PTPRD: variants seen among roughly 807,000 people sequenced by gnomAD.
PTPRD encodes the protein receptor-type tyrosine-protein phosphatase delta.
PTPRD carries 34 observed loss-of-function variants against 214.5 expected under a neutral mutation model. The observed-to-expected ratio is 0.16, with a 90% confidence interval of 0.12 to 0.21. The LOEUF is 0.21. PTPRD is among the 10% of genes least tolerant of loss of function. The pLI, the probability that PTPRD is intolerant of heterozygous loss-of-function variation, is 1.00. For missense variants in PTPRD, 2,545 were observed against 2,398.7 expected, an observed-to-expected ratio of 1.06 and a Z score of -1.27; for synonymous variants, 1,128 against 845.7, an observed-to-expected ratio of 1.33 and a Z score of -5.79.
chr9:9,812,982 A>G (rs2047617228), intron 5 of PTPRD, among the ~76,000 whole-genome samples: 1 of 151,948 alleles, frequency 6.6e-6, no homozygotes, highest in Admixed American at 6.6e-5. Context: ...AGTGGTAAGA[A>G]ACTAGAAGTC....
rs150972502 is a variant in PTPRD at position 10,446,785 on chromosome 9, T to C, written c.-599-105768A>G. ...CAAATTGTTTCAATATTACGGGTAT[T>C]TAAAAGGAAACTGGATCCATGAAGA... On this transcript the variant is annotated intron_variant, in intron 2 of 45. Coordinates refer to ENST00000381196, the MANE Select transcript of PTPRD (RefSeq NM_002839.4). Among the ~76,000 whole-genome samples, 483 of 152,212 alleles carry C rather than the reference T, an allele frequency of 3.2e-3. 2 individuals carry two copies. The highest frequency in any genetic ancestry group is 0.011 in the African/African-American group (467 of 41,544).
chr9:9,629,425 T>C (rs915029789), intron 7 of PTPRD, among the ~76,000 whole-genome samples: 1 of 152,076 alleles, frequency 6.6e-6, no homozygotes, highest in East Asian at 1.9e-4. Context: ...TGTGTCTTCT[T>C]CCATAGGCCA....
At position 8,492,906 on chromosome 9, in the gene PTPRD, T is replaced by C; in HGVS notation, c.2423A>G (p.Asp808Gly). The C allele has an allele frequency of 1.2e-6, 2 of 1,613,838 alleles. No individual in the cohort carries two copies. Among genetic ancestry groups the C allele is most frequent in the South Asian group, 1.1e-5 (1 of 91,072 alleles). ...LTVTAYTTKG[D>G]GARSKPKLVS... is the part of the protein sequence containing the mutation. ...CAGTTTGGGCTTGCTGCGAGCACCA[T>C]CTCCTTTGGTTGTGTAGGCTGTGAC... Residue 808 changes from aspartate (D) to glycine (G), a missense_variant, in exon 27 of 46, where the codon GAT becomes GGT. By Grantham distance (94) the Asp-to-Gly change is moderately conservative. Transcript: ENST00000381196.
At chr9:9,379,851 G>A (rs550267320) in intron 9 of PTPRD, among the ~76,000 whole-genome samples, 3 of 151,996 alleles carry the variant, frequency 2.0e-5, no homozygotes, top group Admixed American at 6.6e-5. Flanking sequence ...TGGTATATAG[G>A]AAAGCAATTA....
chr9:10,408,376 T>G (rs971428641), intron 2 of PTPRD, among the ~76,000 whole-genome samples: 2 of 151,558 alleles, frequency 1.3e-5, no homozygotes, highest in Admixed American at 1.3e-4. Flanking sequence ...ACTATGTCCA[T>G]GGATAGGCAA....
At chr9:8,456,709 A>G (rs1042522359) in intron 33 of PTPRD, among the ~76,000 whole-genome samples, 1 of 152,102 alleles carries the variant, frequency 6.6e-6, no homozygotes, top group African/African-American at 2.4e-5. Context: ...TGAAGCCTAC[A>G]TTTCAGTCTC....
At chr9:8,710,029 A>G (rs546008496) in intron 12 of PTPRD, among the ~76,000 whole-genome samples, 3 of 152,198 alleles carry the variant, frequency 2.0e-5, no homozygotes, top group African/African-American at 4.8e-5. Flanking sequence ...AATTTACCCT[A>G]TCTTAAAGTC....
At chr9:8,383,677 G>GC (rs2085939623) in intron 37 of PTPRD, among the ~76,000 whole-genome samples, 1 of 152,056 alleles carries the variant, frequency 6.6e-6, no homozygotes, top group Non-Finnish European at 1.5e-5. Flanking sequence ...AGCCCACATT[G>GC]GATTACAATA....
chr9:10,579,775 A>T (rs1567040581), intron 2 of PTPRD, among the ~76,000 whole-genome samples: 1 of 152,028 alleles, frequency 6.6e-6, no homozygotes, highest in African/African-American at 2.4e-5. Flanking sequence ...AATATCTAAT[A>T]TTTTTTGATA....
At chr9:8,511,084 T>A (rs2097670391) in intron 21 of PTPRD, among the ~76,000 whole-genome samples, 1 of 152,140 alleles carries the variant, frequency 6.6e-6, no homozygotes, top group African/African-American at 2.4e-5. Context: ...TTTATTTAGT[T>A]TTGAGACAAG....
At chr9:8,658,791 T>C (rs567189345) in intron 12 of PTPRD, among the ~76,000 whole-genome samples, 90 of 152,230 alleles carry the variant, frequency 5.9e-4, no homozygotes, top group African/African-American at 2.1e-3. Context: ...ATTTCTACCA[T>C]TGTAGAGTAT....
At chr9:9,383,472 C>T (rs145231596) in intron 9 of PTPRD, among the ~76,000 whole-genome samples, 170 of 152,030 alleles carry the variant, frequency 1.1e-3, no homozygotes, top group Non-Finnish European at 2.5e-4. Context: ...AATAAGGAGG[C>T]CAGAAAATAT....
chr9:10,160,218 T>C (rs940085274), intron 3 of PTPRD, among the ~76,000 whole-genome samples: 4 of 152,004 alleles, frequency 2.6e-5, no homozygotes, highest in African/African-American at 9.7e-5. Flanking sequence ...AATAGACTAT[T>C]ACAAACAGGT....
chr9:9,475,959 T>G (rs1383959899), intron 8 of PTPRD, among the ~76,000 whole-genome samples: 1 of 152,128 alleles, frequency 6.6e-6, no homozygotes. Context: ...CTTCTTAAAT[T>G]AAAATCTTAG....
intron 35 of PTPRD, among the ~76,000 whole-genome samples, chr9:8,431,701 T>A (rs1050274721): frequency 1.3e-5 from 2 of 152,180 alleles, no homozygotes; most frequent in Admixed American, 6.5e-5. Flanking sequence ...TGCATCAAAG[T>A]CACCTGAAGA....
chr9:9,079,581 C>T (rs1420160803), intron 10 of PTPRD, among the ~76,000 whole-genome samples: 2 of 150,810 alleles, frequency 1.3e-5, no homozygotes, highest in African/African-American at 2.5e-5. Context: ...ATACTGTTCT[C>T]CATAGTGGTT....
At chr9:10,441,529 C>A (rs2098758223) in intron 2 of PTPRD, among the ~76,000 whole-genome samples, 1 of 150,542 alleles carries the variant, frequency 6.6e-6, no homozygotes, top group Non-Finnish European at 1.5e-5. Flanking sequence ...TAAAAACTTT[C>A]CAATTGCTTC....
chr9:10,515,843 G>C (rs191206798), intron 2 of PTPRD, among the ~76,000 whole-genome samples: 1 of 151,710 alleles, frequency 6.6e-6, no homozygotes, highest in African/African-American at 2.4e-5. Context: ...TTTGTCCTTC[G>C]TTGACTGTCT....
chr9:10,199,754 C>A (rs1054964045), intron 3 of PTPRD, among the ~76,000 whole-genome samples: 1 of 151,912 alleles, frequency 6.6e-6, no homozygotes, highest in African/African-American at 2.4e-5. Flanking sequence ...TTCCAAAGCC[C>A]GGATCCACCA....
Sources: gnomAD v4.1 joint callset for allele counts (sites outside exome capture counted in the v4.1 genomes callset) on GRCh38, gnomAD v4.1.1 for gene constraint, MANE v1.5 for transcripts, NCBI Gene and HGNC (gene_info 2026-07-23, HGNC 2026-07-21) for gene names.